Variants in FCSK observed in about 807,000 individuals in gnomAD.
The protein encoded by FCSK is fucose kinase, also known as L-fucose kinase.
Under a neutral mutation model 122.5 loss-of-function variants are expected in FCSK, and 123 were observed. That is an observed-to-expected ratio of 1.00 (90% CI 0.87 to 1.17). The LOEUF (loss-of-function observed/expected upper bound fraction) is 1.17, where lower values mean the gene tolerates loss of function less well. FCSK is among the 50% of genes most tolerant of loss of function. FCSK has a pLI of 0.00. For missense variants in FCSK, 1,366 were observed against 1,450.4 expected (o/e 0.94, Z 0.95); for synonymous variants, 620 against 625.5 (o/e 0.99, Z 0.13).
At chr16:70,468,025 G>A (rs535098197) in intron 8 of FCSK, 59 bp downstream of exon 8, 65 of 1,296,264 alleles carry the variant, frequency 5.0e-5, no homozygotes, top group Non-Finnish European at 7.0e-5. Flanking sequence ...AGGGAGGGAG[G>A]GTCTGACTTC....
At chr16:70,472,240 C>A (rs2048649002) in intron 13 of FCSK, among the ~76,000 whole-genome samples, 2 of 152,250 alleles carry the variant, frequency 1.3e-5, no homozygotes, top group South Asian at 4.1e-4. Flanking sequence ...ATTTCAGGCA[C>A]CTTGGCGGGA....
chr16:70,472,839 G>T (rs1328585454), intron 14 of FCSK, 144 bp from the exon 15 acceptor site: 8 of 1,055,600 alleles, frequency 7.6e-6, no homozygotes, highest in Non-Finnish European at 1.1e-5. Flanking sequence ...ATGCCAGGCA[G>T]CCTGGCCCCC....
chr16:70,460,104 C>CTTTTT (rs564125150), intron 1 of FCSK, among the ~76,000 whole-genome samples: 2 of 126,478 alleles, frequency 1.6e-5, no homozygotes, highest in African/African-American at 3.2e-5. Context: ...CGTCTAGCCT[C>CTTTTT]TTTTTTTTTT....
At chr16:70,454,681 C>CCTTGCGCCT (rs1271173654) in intron 1 of FCSK, 51 bp downstream of exon 1, 2 of 152,168 alleles carry the variant, frequency 1.3e-5, no homozygotes, top group Non-Finnish European at 2.9e-5. Context: ...CCCTTGCGCC[C>CCTTGCGCCT]CTTGCGCCCC....
At chr16:70,463,892 T>C in intron 3 of FCSK, 118 bp downstream of exon 3, 5 of 1,165,306 alleles carry the variant, frequency 4.3e-6, no homozygotes, top group Non-Finnish European at 3.5e-6. Flanking sequence ...GGTCTCAGTT[T>C]TTGTTTCTGT....
intron 1 of FCSK, among the ~76,000 whole-genome samples, chr16:70,458,576 G>C (rs1376781238): frequency 1.3e-5 from 2 of 151,844 alleles, no homozygotes; most frequent in African/African-American, 4.8e-5. Flanking sequence ...AGCCTCCCGA[G>C]TAACTGGGAT....
intron 1 of FCSK, chr16:70,457,994 T>G (rs948813034): frequency 2.0e-5 from 3 of 151,714 alleles, no homozygotes; most frequent in Non-Finnish European, 2.9e-5. Context: ...CAACTTTGAC[T>G]ATAGCGTCTC....
At chr16:70,466,020 A>G in intron 4 of FCSK, 112 bp from the exon 5 acceptor site, 1 of 1,104,074 alleles carries the variant, frequency 9.1e-7, no homozygotes, top group East Asian at 2.4e-5. Context: ...AGAAAATATC[A>G]AGAGAACATT....
Position 70,475,097 on chromosome 16 carries a change from G to A in FCSK, c.2377+86G>A, listed in dbSNP as rs921586897. 4.8e-5 allele frequency: 61 copies of A among 1,281,450 alleles called. No individual in the cohort carries two copies. In the Admixed American group the frequency reaches 1.4e-3, roughly 29 times the overall value. The allele number at this position is 1,281,450 out of a possible 1,614,324, so 79.4% of individuals were successfully genotyped here. On this transcript the variant is annotated intron_variant, in intron 18 of 23. Coordinates refer to ENST00000288078, the MANE Select transcript of FCSK (RefSeq NM_145059.3). ...TAGAGACTGCAGGCCAGTGGGGTCTGGCCTGAGGGCCAGCCAGTCTGGCTG... is the reference window on the plus strand; with the variant it reads ...TAGAGACTGCAGGCCAGTGGGGTCTAGCCTGAGGGCCAGCCAGTCTGGCTG...
In FCSK at chr16:70,474,646, C is replaced by T; in HGVS notation, c.2107C>T (p.Pro703Ser). 3 of 1,598,620 alleles carry T rather than the reference C, an allele frequency of 1.9e-6. No individual in the cohort carries two copies. Among genetic ancestry groups the T allele is most frequent in the South Asian group, 1.1e-5 (1 of 88,154 alleles). Residue 703 changes from proline to serine, a missense_variant, in exon 17 of 24, where the codon CCT (proline) becomes TCT (serine). Pro to Ser is a moderately conservative substitution (Grantham distance 74). Transcript: ENST00000288078. ...VSTEQVELPGPGQWVVAECPA... is the reference protein window; with the variant it reads ...VSTEQVELPGSGQWVVAECPA... ...CACAGAGCAGGTGGAACTGCCGGGA[C>T]CTGGGCAGTGGGTGGTGGCTGAGTG...
rs372403072 is a variant in FCSK at position 70,478,299 on chromosome 16, G to A, written c.2669G>A (p.Gly890Asp). ...GGTGGCTGGCAGGACCAAGTAGGTG[G>A]CCTAATGCCTGGCATCAAGGTGGGG... ...TGGGWQDQVG[G>D]LMPGIKVGRS... Residue 890 changes from glycine (G) to aspartate (D), a missense_variant, in exon 21 of 24, where the codon GGC (glycine) becomes GAC (aspartate). Gly to Asp is a moderately conservative substitution (Grantham distance 94). Transcript: ENST00000288078. The A allele has an allele frequency of 1.9e-6, 3 of 1,614,138 alleles. No homozygotes were observed. Among genetic ancestry groups the A allele is most frequent in the Admixed American group, 3.3e-5 (2 of 60,030 alleles).
chr16:70,468,904 A>G lies in FCSK; in HGVS notation c.719A>G (p.His240Arg), dbSNP rs780223326. 82 of 1,613,686 alleles carry G rather than the reference A, an allele frequency of 5.1e-5. No individual in the cohort carries two copies. The Admixed American group carries it at 1.3e-3, about 26-fold the overall frequency. Residue 240 changes from histidine to arginine, a missense_variant, in exon 9 of 24, where the codon CAC becomes CGC. Coordinates refer to ENST00000288078, the MANE Select transcript of FCSK (RefSeq NM_145059.3). ...VETAERLLAT[H>R]VSPPLDACTY... is the part of the protein sequence containing the mutation. ...ACTGCCGAGCGCCTCCTAGCCACCCACGTGAGCCCGCCCCTGGATGCCTGC... is the reference window on the plus strand; with the variant it reads ...ACTGCCGAGCGCCTCCTAGCCACCCGCGTGAGCCCGCCCCTGGATGCCTGC...
rs2048893052 is a variant in FCSK at position 70,478,648 on chromosome 16, A to G, written c.2927A>G (p.Gln976Arg). The change falls in exon 22 of 24, where the codon CAA becomes CGA. Residue 976 changes from glutamine to arginine, a missense_variant and splice_region_variant. Gln to Arg is a conservative substitution (Grantham distance 43). Coordinates refer to ENST00000288078, the MANE Select transcript of FCSK (RefSeq NM_145059.3). ...GAGGAGTGTGCTGAAGGCTTCCGCC[A>G]AGGTGAGGGGCTTCCTCTGGGGGGG... ...QTEECAEGFR[Q>R]GSLPLLGQCL... The G allele has an allele frequency of 1.9e-6, 3 of 1,612,980 alleles. No individual in the cohort carries two copies. The highest frequency in any genetic ancestry group is 1.3e-5 in the African/African-American group (1 of 74,888).
rs1285480273 is a variant in FCSK at position 70,466,872 on chromosome 16, C to T, written c.412-10C>T. The T allele has an allele frequency of 6.2e-7, 1 of 1,611,216 alleles. No individual in the cohort carries two copies. Among genetic ancestry groups the T allele is most frequent in the Non-Finnish European group, 8.5e-7 (1 of 1,178,648 alleles). On this transcript the variant is annotated splice_polypyrimidine_tract_variant and intron_variant, in intron 5 of 23. Coordinates refer to ENST00000288078, the MANE Select transcript of FCSK (RefSeq NM_145059.3). ...GGCACCAGCTGTGTTCTGTCTCCTT[C>T]CCCCCACAGCTGGGCCCGGGCTCCC...
At chr16:70,461,704 A>C (rs2048271116) in intron 1 of FCSK, among the ~76,000 whole-genome samples, 1 of 152,070 alleles carries the variant, frequency 6.6e-6, no homozygotes, top group South Asian at 2.1e-4. Flanking sequence ...GGGGTTAGGC[A>C]TTTGCTCTCG....
rs528834068 is a variant in FCSK, at chr16:70,478,645, G to A, written c.2924G>A (p.Arg975His). The change falls in exon 22 of 24, where the codon CGC becomes CAC. Residue 975 changes from arginine (R) to histidine (H), a missense_variant. By Grantham distance (29) the Arg-to-His change is conservative (BLOSUM62 0). Transcript: ENST00000288078. ...RQTEECAEGF[R>H]QGSLPLLGQC... is the part of the protein sequence containing the mutation. ...ACTGAGGAGTGTGCTGAAGGCTTCC[G>A]CCAAGGTGAGGGGCTTCCTCTGGGG... The A allele has an allele frequency of 2.4e-5, 39 of 1,613,042 alleles. No homozygotes were observed. The highest frequency in any genetic ancestry group is 8.8e-5 in the South Asian group (8 of 91,040).
In FCSK at chr16:70,463,164, C is replaced by T; in HGVS notation, c.-22-5C>T. On this transcript the variant is annotated splice_region_variant and splice_polypyrimidine_tract_variant and intron_variant, in intron 1 of 23. Transcript: ENST00000288078. ...TAGTCACATCTACCCATATTGCTGTCTCAGGAAGCCCCTCCGCTTGGCCAG... is the reference window on the plus strand; with the variant it reads ...TAGTCACATCTACCCATATTGCTGTTTCAGGAAGCCCCTCCGCTTGGCCAG... 1 of 1,595,060 alleles carries T rather than the reference C, an allele frequency of 6.3e-7. No individual in the cohort carries two copies. Among genetic ancestry groups the T allele is most frequent in the East Asian group, 2.2e-5 (1 of 44,772 alleles).
intron 1 of FCSK, among the ~76,000 whole-genome samples, chr16:70,462,445 C>T (rs2048295445): frequency 6.6e-6 from 1 of 152,198 alleles, no homozygotes; most frequent in South Asian, 2.1e-4. Flanking sequence ...CCCACCTTAG[C>T]TTCCTGAGTA....
chr16:70,460,443 C>T (rs1335205462), intron 1 of FCSK, among the ~76,000 whole-genome samples: 7 of 148,204 alleles, frequency 4.7e-5, no homozygotes, highest in South Asian at 4.3e-4. Context: ...CTCGCTCTGT[C>T]GCCCAGGCTG....
Sources: allele counts gnomAD v4.1 joint callset (sites outside exome capture counted in the v4.1 genomes callset), GRCh38; gene constraint gnomAD v4.1.1; transcripts MANE v1.5; gene names NCBI Gene and HGNC (gene_info 2026-07-23, HGNC 2026-07-21).